Variants in B3GALT1 observed in about 807,000 individuals in gnomAD.
B3GALT1 encodes the protein beta-1,3-galactosyltransferase 1.
In B3GALT1, 10 loss-of-function variants were observed where a neutral mutation model predicts 23.2. The ratio of observed to expected loss-of-function variants is 0.43; its 90% CI spans 0.27 to 0.73. B3GALT1 has a LOEUF of 0.73. B3GALT1 is among the 30% of genes least tolerant of loss of function. The pLI, the probability that B3GALT1 is intolerant of heterozygous loss-of-function variation, is 0.21. For missense variants in B3GALT1, 299 were observed against 405.4 expected (o/e 0.74, Z 2.25); for synonymous variants, 156 against 141.5 (o/e 1.10, Z -0.73).
rs375553425 is a variant in B3GALT1 at position 167,535,733 on chromosome 2, T to TA, written c.-410+45465dup. Among the ~76,000 whole-genome samples the TA allele has an allele frequency of 8.3e-4, 125 of 151,378 alleles. 1 individual carries two copies. Among genetic ancestry groups the TA allele is most frequent in the Non-Finnish European group, 9.0e-4 (61 of 67,754 alleles). ...AGATTGGAAAAGTTTTCTTCTGTATTAAAAAAAAATGTGGTTTTTATCATT... is the reference window on the plus strand; with the variant it reads ...AGATTGGAAAAGTTTTCTTCTGTATTAAAAAAAAAATGTGGTTTTTATCATT... On this transcript the variant is annotated intron_variant, in intron 2 of 4. Coordinates refer to ENST00000392690, the MANE Select transcript of B3GALT1 (RefSeq NM_020981.4).
chr2:167,838,249 GA>G (rs1343933504), intron 4 of B3GALT1, among the ~76,000 whole-genome samples: 2 of 152,156 alleles, frequency 1.3e-5, no homozygotes, highest in African/African-American at 4.8e-5. Flanking sequence ...CTGGTTTTTT[GA>G]AAAGATCAAC....
intron 1 of B3GALT1, among the ~76,000 whole-genome samples, chr2:167,395,783 T>C (rs1234592742): frequency 6.6e-6 from 1 of 152,012 alleles, no homozygotes; most frequent in African/African-American, 2.4e-5. Flanking sequence ...TTCATACTTC[T>C]TGAAAAAAAA....
At chr2:167,722,137 C>T (rs1687245192) in intron 3 of B3GALT1, among the ~76,000 whole-genome samples, 1 of 152,154 alleles carries the variant, frequency 6.6e-6, no homozygotes, top group Non-Finnish European at 1.5e-5. Flanking sequence ...AGTACCAGTA[C>T]TCGTTTACTT....
intron 1 of B3GALT1, among the ~76,000 whole-genome samples, chr2:167,430,429 T>TA (rs2105307033): frequency 6.6e-6 from 1 of 152,266 alleles, no homozygotes; most frequent in East Asian, 1.9e-4. Context: ...TGTAATGACA[T>TA]ACGTTAATTT....
At chr2:167,537,900 T>C (rs1054306926) in intron 2 of B3GALT1, among the ~76,000 whole-genome samples, 5 of 151,202 alleles carry the variant, frequency 3.3e-5, no homozygotes, top group Middle Eastern at 6.8e-3. Context: ...CTTGGCTCAC[T>C]GCAACTGCCC....
chr2:167,320,514 C>T (rs576797309), intron 1 of B3GALT1, among the ~76,000 whole-genome samples: 1 of 152,098 alleles, frequency 6.6e-6, no homozygotes, highest in African/African-American at 2.4e-5. Flanking sequence ...GACTCTGCCT[C>T]TGGTGGTCTA....
chr2:167,627,125 C>T (rs183935847), intron 2 of B3GALT1, among the ~76,000 whole-genome samples: 26 of 151,636 alleles, frequency 1.7e-4, no homozygotes, highest in African/African-American at 6.3e-4. Context: ...GGGCTCAGGT[C>T]TCCATAATTC....
intron 1 of B3GALT1, among the ~76,000 whole-genome samples, chr2:167,356,589 T>C (rs1331211088): frequency 2.0e-5 from 3 of 152,142 alleles, no homozygotes; most frequent in East Asian, 1.9e-4. Flanking sequence ...TAAAGCTAGC[T>C]GCAAATCCTT....
At chr2:167,572,493 T>C (rs994337508) in intron 2 of B3GALT1, among the ~76,000 whole-genome samples, 18 of 151,828 alleles carry the variant, frequency 1.2e-4, no homozygotes, top group African/African-American at 3.9e-4. Flanking sequence ...TCCAGTACAT[T>C]AAATTTGCCA....
At chr2:167,676,478 T>TACAC (rs201582654) in intron 3 of B3GALT1, among the ~76,000 whole-genome samples, 3 of 150,000 alleles carry the variant, frequency 2.0e-5, no homozygotes, top group African/African-American at 7.5e-5. Flanking sequence ...CTTATATATA[T>TACAC]ATACACACAC....
At chr2:167,639,150 A>G (rs999738186) in intron 2 of B3GALT1, among the ~76,000 whole-genome samples, 1 of 152,098 alleles carries the variant, frequency 6.6e-6, no homozygotes, top group Non-Finnish European at 1.5e-5. Context: ...CTTCTGGAAC[A>G]TACATTGTCT....
chr2:167,455,676 C>G (rs1699158875), intron 1 of B3GALT1, among the ~76,000 whole-genome samples: 1 of 151,972 alleles, frequency 6.6e-6, no homozygotes, highest in Non-Finnish European at 1.5e-5. Context: ...CCACACCCAG[C>G]TAATTTTTGT....
intron 2 of B3GALT1, among the ~76,000 whole-genome samples, chr2:167,512,624 G>GTATATATATA (rs202089193): frequency 8.1e-5 from 4 of 49,668 alleles, no homozygotes; most frequent in African/African-American, 6.9e-4. Context: ...ATATATACGT[G>GTATATATATA]TATATATATA....
At chr2:167,442,968 G>C (rs1422178040) in intron 1 of B3GALT1, among the ~76,000 whole-genome samples, 1 of 150,318 alleles carries the variant, frequency 6.7e-6, no homozygotes. Flanking sequence ...TGTCCTGAAT[G>C]GTAATGCCTA....
intron 2 of B3GALT1, among the ~76,000 whole-genome samples, chr2:167,605,890 G>A (rs1684954583): frequency 6.6e-6 from 1 of 152,046 alleles, no homozygotes; most frequent in Non-Finnish European, 1.5e-5. Context: ...GAATTAGATG[G>A]GATTTGAGTA....
intron 2 of B3GALT1, among the ~76,000 whole-genome samples, chr2:167,636,443 T>G (rs1267997208): frequency 6.6e-6 from 1 of 152,066 alleles, no homozygotes; most frequent in Non-Finnish European, 1.5e-5. Flanking sequence ...CTCAAGGATC[T>G]ATAACTAGAA....
At chr2:167,631,488 T>C (rs1401652645) in intron 2 of B3GALT1, 2 of 151,846 alleles carry the variant, frequency 1.3e-5, no homozygotes, top group Non-Finnish European at 2.9e-5. Flanking sequence ...TTTATGGTTT[T>C]CTGGTGGAAA....
Position 167,813,386 on chromosome 2 carries a change from G to A in B3GALT1, c.-351-5286G>A, listed in dbSNP as rs142120816. Among the ~76,000 whole-genome samples, 332 of 152,274 alleles carry A rather than the reference G, an allele frequency of 2.2e-3. 15 individuals carry two copies. In the East Asian group the frequency reaches 0.051, roughly 24 times the overall value. On this transcript the variant is annotated intron_variant, in intron 3 of 4. Transcript: ENST00000392690. ...TGCTTGTTATAGAAATGTGGTAGCC[G>A]ATAGAATAGATATAGTCAACACTGA...
At chr2:167,736,991 C>T (rs1449780929) in intron 3 of B3GALT1, among the ~76,000 whole-genome samples, 1 of 147,280 alleles carries the variant, frequency 6.8e-6, no homozygotes, top group Non-Finnish European at 1.5e-5. Context: ...ATCCCTCTTA[C>T]AGCATTAAAG....
Sources: gnomAD v4.1 joint callset for allele counts (sites outside exome capture counted in the v4.1 genomes callset) on GRCh38, gnomAD v4.1.1 for gene constraint, MANE v1.5 for transcripts, NCBI Gene and HGNC (gene_info 2026-07-23, HGNC 2026-07-21) for gene names.